Variants in ZNF503 observed in about 807,000 individuals in gnomAD.
The protein encoded by ZNF503 is NocA-like zinc finger 2.
Under a neutral mutation model 34.4 loss-of-function variants are expected in ZNF503, and 15 were observed. The observed-to-expected ratio is 0.44, with a 90% CI of 0.29 to 0.67. ZNF503 has a LOEUF of 0.67. Among genes scored for constraint, ZNF503 ranks in the 30% least tolerant of loss-of-function variants. The pLI is 0.13. For missense variants in ZNF503, 1,007 were observed against 926.8 expected, an observed-to-expected ratio of 1.09 and a Z score of -1.12; for synonymous variants, 580 against 456.8, an observed-to-expected ratio of 1.27 and a Z score of -3.44.
chr10:75,328,085 C>A, the ZNF503 span, among the ~76,000 whole-genome samples: 2 of 152,030 alleles, frequency 1.3e-5, no homozygotes, highest in South Asian at 4.1e-4. Context: ...CTTTGCTGTG[C>A]AGGGGCTTTT....
chr10:75,293,677 G>C, the ZNF503 span, among the ~76,000 whole-genome samples: 7 of 151,930 alleles, frequency 4.6e-5, no homozygotes, highest in African/African-American at 1.7e-4. Context: ...GCATGTGTGT[G>C]TGTGTAGGTT....
At chr10:75,379,914 C>G in the ZNF503 span, among the ~76,000 whole-genome samples, 3 of 152,292 alleles carry the variant, frequency 2.0e-5, no homozygotes, top group South Asian at 6.2e-4. Context: ...GTCCTCATCA[C>G]GTGCTTCTTC....
chr10:75,365,341 T>C, the ZNF503 span, among the ~76,000 whole-genome samples: 1 of 152,054 alleles, frequency 6.6e-6, no homozygotes, highest in Non-Finnish European at 1.5e-5. Context: ...AGAGACGGGG[T>C]TTCACTATGT....
At chr10:75,379,370 G>A in the ZNF503 span, among the ~76,000 whole-genome samples, 3 of 152,164 alleles carry the variant, frequency 2.0e-5, no homozygotes, top group Admixed American at 6.6e-5. Flanking sequence ...AGATTAGCAT[G>A]ATTTACTTCG....
chr10:75,322,120 A>G, the ZNF503 span, among the ~76,000 whole-genome samples: 2 of 128,482 alleles, frequency 1.6e-5, no homozygotes, highest in Non-Finnish European at 3.2e-5. Flanking sequence ...TTTATTTACC[A>G]CCACCAATTT....
At chr10:75,372,962 CAG>C in the ZNF503 span, among the ~76,000 whole-genome samples, 1 of 152,126 alleles carries the variant, frequency 6.6e-6, no homozygotes, top group Non-Finnish European at 1.5e-5. Context: ...AGCTTCCTTC[CAG>C]AGAGATGCAG....
chr10:75,370,932 A>C, the ZNF503 span, among the ~76,000 whole-genome samples: 1 of 151,456 alleles, frequency 6.6e-6, no homozygotes, highest in Non-Finnish European at 1.5e-5. Flanking sequence ...AAGCTGTTTT[A>C]TGCTGGATGC....
At chr10:75,368,348 T>G in the ZNF503 span, among the ~76,000 whole-genome samples, 1 of 151,946 alleles carries the variant, frequency 6.6e-6, no homozygotes, top group Non-Finnish European at 1.5e-5. Context: ...AACAAATCTC[T>G]GCAAAATAGA....
At chr10:75,348,216 C>T in the ZNF503 span, among the ~76,000 whole-genome samples, 2 of 151,826 alleles carry the variant, frequency 1.3e-5, no homozygotes, top group Non-Finnish European at 2.9e-5. Context: ...TCATGTGCCA[C>T]CACGCCTGGC....
At chr10:75,289,754 C>T in the ZNF503 span, among the ~76,000 whole-genome samples, 3 of 151,986 alleles carry the variant, frequency 2.0e-5, no homozygotes, top group Non-Finnish European at 2.9e-5. Context: ...TTAGTAGAGA[C>T]GGGGTTTCAC....
the ZNF503 span, among the ~76,000 whole-genome samples, chr10:75,303,478 A>G: frequency 6.6e-6 from 1 of 152,222 alleles, no homozygotes; most frequent in Non-Finnish European, 1.5e-5. Flanking sequence ...ACGTTGTACC[A>G]TGTAAAGCCA....
At chr10:75,282,054 G>A in the ZNF503 span, among the ~76,000 whole-genome samples, 8 of 152,200 alleles carry the variant, frequency 5.3e-5, no homozygotes, top group African/African-American at 9.7e-5. Flanking sequence ...AGCCATCCCC[G>A]CTCCTTCCCT....
chr10:75,356,578 CG>C, the ZNF503 span, among the ~76,000 whole-genome samples: 1 of 152,212 alleles, frequency 6.6e-6, no homozygotes, highest in Non-Finnish European at 1.5e-5. Flanking sequence ...AAGCTCTCCA[CG>C]TGAGAGGGTC....
chr10:75,361,571 G>A, the ZNF503 span: 1 of 152,134 alleles, frequency 6.6e-6, no homozygotes, highest in African/African-American at 2.4e-5. Flanking sequence ...TTCTCTGATA[G>A]TGTTCATTTC....
At chr10:75,385,766 G>A in the ZNF503 span, among the ~76,000 whole-genome samples, 1 of 152,192 alleles carries the variant, frequency 6.6e-6, no homozygotes, top group Non-Finnish European at 1.5e-5. Flanking sequence ...ATATATTGGT[G>A]GCACCAATGA....
At chr10:75,297,866 T>C in the ZNF503 span, among the ~76,000 whole-genome samples, 1 of 152,250 alleles carries the variant, frequency 6.6e-6, no homozygotes, top group African/African-American at 2.4e-5. Flanking sequence ...ATTTCATTTT[T>C]AAGATACATT....
chr10:75,398,991 C>T lies in ZNF503; in HGVS notation c.1699G>A (p.Ala567Thr), dbSNP rs777947871. 164 of 1,605,910 alleles carry T rather than the reference C, an allele frequency of 1.0e-4. 1 individual carries two copies. Among genetic ancestry groups the T allele is most frequent in the Non-Finnish European group, 1.4e-4 (162 of 1,179,266 alleles). Residue 567 changes from alanine to threonine, a missense_variant, in exon 2 of 2, where the codon GCC becomes ACC. Coordinates refer to ENST00000372524, the MANE Select transcript of ZNF503 (RefSeq NM_032772.6). ...ATGTGCATGTGGCAAGCCATGGCGG[C>T]CGCGGCAGCGCTGGCCAGAGACGAC... ...SSSSLASAAAAAMACHMHIPT... is the reference protein window; with the variant it reads ...SSSSLASAAATAMACHMHIPT...
the ZNF503 span, among the ~76,000 whole-genome samples, chr10:75,374,648 C>T: frequency 6.6e-6 from 1 of 152,236 alleles, no homozygotes; most frequent in African/African-American, 2.4e-5. Flanking sequence ...TCCTCACCAT[C>T]CAACATGCCG....
chr10:75,377,945 G>A, the ZNF503 span, among the ~76,000 whole-genome samples: 14 of 152,168 alleles, frequency 9.2e-5, no homozygotes, highest in Non-Finnish European at 1.5e-5. Context: ...CATGGTGGAA[G>A]TTGAAGGGTA....
Sources: allele counts gnomAD v4.1 joint callset (sites outside exome capture counted in the v4.1 genomes callset), GRCh38; gene constraint gnomAD v4.1.1; transcripts MANE v1.5; gene names NCBI Gene and HGNC (gene_info 2026-07-23, HGNC 2026-07-21).